The following IPO8 variants were observed in gnomAD, a reference collection of about 807,000 sequenced individuals.
IPO8 encodes importin 8, also known as importin-8.
A neutral mutation model predicts 141.2 loss-of-function variants in IPO8; 65 were observed. That is an observed-to-expected ratio of 0.46 (90% CI 0.38 to 0.57). The LOEUF (loss-of-function observed/expected upper bound fraction) is 0.57, where lower values mean the gene tolerates loss of function less well. IPO8 is among the 20% of genes least tolerant of loss of function. IPO8 has a pLI of 0.00. For missense variants in IPO8, 980 were observed against 1,246.8 expected, an observed-to-expected ratio of 0.79 and a Z score of 3.22; for synonymous variants, 411 against 420.3, an observed-to-expected ratio of 0.98 and a Z score of 0.27.
At chr12:30,635,219 T>TTTTTG (rs143796510) in intron 22 of IPO8, among the ~76,000 whole-genome samples, 109 of 152,020 alleles carry the variant, frequency 7.2e-4, no homozygotes, top group Middle Eastern at 3.4e-3. Flanking sequence ...AAGAATTAGG[T>TTTTTG]TTTTGTTTTG....
intron 15 of IPO8, 90 bp from the exon 16 acceptor site, chr12:30,661,356 C>A (rs1241213235): frequency 8.2e-7 from 1 of 1,224,452 alleles, no homozygotes; most frequent in Non-Finnish European, 1.1e-6. Context: ...TGTCACACAT[C>A]TGAAGTCTGC....
chr12:30,684,091 G>A (rs980498878), intron 3 of IPO8, among the ~76,000 whole-genome samples: 4 of 151,976 alleles, frequency 2.6e-5, no homozygotes, highest in Non-Finnish European at 5.9e-5. Flanking sequence ...GGCAACATAC[G>A]ACAACAAAAT....
intron 14 of IPO8, among the ~76,000 whole-genome samples, chr12:30,663,080 C>G (rs2052911668): frequency 6.6e-6 from 1 of 152,194 alleles, no homozygotes; most frequent in Non-Finnish European, 1.5e-5. Flanking sequence ...CTACTTGCTA[C>G]TTTCAAAACT....
intron 1 of IPO8, among the ~76,000 whole-genome samples, chr12:30,694,188 C>T (rs2053316689): frequency 6.6e-6 from 1 of 152,148 alleles, no homozygotes; most frequent in Non-Finnish European, 1.5e-5. Context: ...TCCTAACTAA[C>T]CCCTGGATTA....
Position 30,684,376 on chromosome 12 carries a change from T to A in IPO8, c.248A>T (p.Asn83Ile), listed in dbSNP as rs758792448. ...TTGCTGGCGATCGTTTTCGTGAATG[T>A]TGAATGGAAATATTGCTTCTCCTGG... is the stretch of plus-strand genomic sequence containing the variant. ...PPPGEAIFPF[N>I]IHENDRQQIR... is the part of the protein sequence containing the mutation. The change falls in exon 3 of 25, where the codon AAC becomes ATC. Residue 83 changes from asparagine (N) to isoleucine (I), a missense_variant. By Grantham distance (149) the Asn-to-Ile change is moderately radical. Around this residue, in one of 3 missense-constraint regions of IPO8, gnomAD observed 924 missense variants for 1,153.9 expected, o/e 0.80. Coordinates refer to ENST00000256079, the MANE Select transcript of IPO8 (RefSeq NM_006390.4). 6.2e-7 allele frequency: 1 copy of A among 1,614,176 alleles called. No individual in the cohort carries two copies. Among genetic ancestry groups the A allele is most frequent in the Non-Finnish European group, 8.5e-7 (1 of 1,180,024 alleles).
Position 30,695,513 on chromosome 12 carries a change from G to C in IPO8, c.84+51C>G, listed in dbSNP as rs746732327. 6.5e-7 allele frequency: 1 copy of C among 1,540,772 alleles called. No homozygotes were observed. Among genetic ancestry groups the C allele is most frequent in the South Asian group, 1.1e-5 (1 of 89,426 alleles). ...CCGGGGAGAGGGAGCCCGGCCAGCC[G>C]GCAGGGGCGCCCCTTCGGCGGAAGA... On this transcript the variant is annotated intron_variant, in intron 1 of 24. Transcript: ENST00000256079. The surrounding 1 kb of genome is among the most constrained non-coding windows in gnomAD (Gnocchi z 4.2).
intron 8 of IPO8, among the ~76,000 whole-genome samples, 173 bp from the exon 9 acceptor site, chr12:30,671,269 G>A (rs7963524): frequency 0.28 from 42,991 of 151,874 alleles, 6,462 homozygotes; most frequent in African/African-American, 0.38. Context: ...TATTAGATAG[G>A]TCCATGTTAT....
chr12:30,675,735 T>C (rs1359105114), intron 6 of IPO8, among the ~76,000 whole-genome samples: 3 of 149,924 alleles, frequency 2.0e-5, no homozygotes, highest in Non-Finnish European at 4.4e-5. Context: ...TCCCAGCTAC[T>C]CAGGAGGCTG....
intron 3 of IPO8, among the ~76,000 whole-genome samples, chr12:30,683,633 G>A (rs558766632): frequency 2.0e-5 from 3 of 152,294 alleles, no homozygotes; most frequent in East Asian, 3.9e-4. Flanking sequence ...TGAATCAAAA[G>A]TAAATAGAAT....
intron 2 of IPO8, among the ~76,000 whole-genome samples, chr12:30,687,724 G>A (rs945619315): frequency 3.3e-5 from 5 of 152,100 alleles, no homozygotes; most frequent in African/African-American, 1.2e-4. Flanking sequence ...TTCTTAAAGT[G>A]CTTCTGGACT....
chr12:30,659,460 G>A (rs907368409), intron 16 of IPO8, among the ~76,000 whole-genome samples: 5 of 149,780 alleles, frequency 3.3e-5, no homozygotes, highest in Non-Finnish European at 5.9e-5. Context: ...CTGGGCAACA[G>A]AGCAAGACTT....
At chr12:30,635,832 C>T (rs1418181953) in intron 22 of IPO8, among the ~76,000 whole-genome samples, 1 of 151,968 alleles carries the variant, frequency 6.6e-6, no homozygotes, top group Admixed American at 6.5e-5. Context: ...GAAATACCTC[C>T]ACTAGTTAAT....
chr12:30,657,501 A>C (rs80061032), intron 16 of IPO8, among the ~76,000 whole-genome samples: 1,553 of 152,294 alleles, frequency 0.01, 35 homozygotes, highest in East Asian at 0.084. Flanking sequence ...AAACTTACCC[A>C]TACAAATGAC....
Position 30,639,707 on chromosome 12 carries a change from A to G in IPO8, c.2297T>C (p.Leu766Ser). 1 of 1,614,154 alleles carries G rather than the reference A, an allele frequency of 6.2e-7. No homozygotes were observed. The highest frequency in any genetic ancestry group is 8.5e-7 in the Non-Finnish European group (1 of 1,179,998). ...QCIPLFVQLVLERLTRGVKTS... is the reference protein window; with the variant it reads ...QCIPLFVQLVSERLTRGVKTS... ...TTTGACCCCTCGAGTTAATCTCTCC[A>G]AAACAAGTTGAACGAAGAGTGGAAT... The change falls in exon 21 of 25, where the codon TTG (leucine) becomes TCG (serine). Residue 766 changes from leucine (L) to serine (S), a missense_variant. Physicochemically the swap from Leu to Ser is moderately radical, Grantham distance 145. Coordinates refer to ENST00000256079, the MANE Select transcript of IPO8 (RefSeq NM_006390.4).
intron 20 of IPO8, among the ~76,000 whole-genome samples, chr12:30,640,922 G>GATC (rs2052566685): frequency 6.6e-6 from 1 of 152,146 alleles, no homozygotes; most frequent in South Asian, 2.1e-4. Flanking sequence ...ACCCTGATCA[G>GATC]ATCACTACAC....
intron 21 of IPO8, among the ~76,000 whole-genome samples, chr12:30,637,662 G>A (rs1485656925): frequency 6.6e-6 from 1 of 152,054 alleles, no homozygotes; most frequent in Non-Finnish European, 1.5e-5. Context: ...AAGATAGTAA[G>A]CTGAACTTAA....
chr12:30,652,909 A>T, intron 18 of IPO8, 58 bp downstream of exon 18: 1 of 1,452,194 alleles, frequency 6.9e-7, no homozygotes, highest in Non-Finnish European at 9.3e-7. Flanking sequence ...TTCAGGTGTC[A>T]ACAGGAAGAA....
intron 6 of IPO8, 95 bp downstream of exon 6, chr12:30,676,403 A>G: frequency 1.8e-6 from 1 of 554,578 alleles, no homozygotes; most frequent in Non-Finnish European, 3.1e-6. Flanking sequence ...AAAGTAGTAA[A>G]TTTTTTCAAA....
At chr12:30,661,974 A>G (rs1195908569) in intron 15 of IPO8, among the ~76,000 whole-genome samples, 1 of 152,184 alleles carries the variant, frequency 6.6e-6, no homozygotes, top group Admixed American at 6.5e-5. Flanking sequence ...ATTTTGAGAA[A>G]TGTGTCGTTA....
Sources: gnomAD v4.1 joint callset for allele counts (sites outside exome capture counted in the v4.1 genomes callset) on GRCh38, gnomAD v4.1.1 for gene constraint, gnomAD v4.1.1 regional missense constraint, Gnocchi (gnomAD v3.1) non-coding constraint, MANE v1.5 for transcripts, NCBI Gene and HGNC (gene_info 2026-07-23, HGNC 2026-07-21) for gene names.